ENPP6: variants seen among roughly 807,000 people sequenced by gnomAD.
ENPP6 encodes ectonucleotide pyrophosphatase/phosphodiesterase 6, also known as glycerophosphocholine cholinephosphodiesterase ENPP6.
ENPP6 carries 32 observed loss-of-function variants against 42.0 expected under a neutral mutation model. That is an observed-to-expected ratio of 0.76 (90% CI 0.58 to 1.02). The LOEUF (loss-of-function observed/expected upper bound fraction) is 1.02, where lower values mean the gene tolerates loss of function less well. Ranked by LOEUF, ENPP6 falls within the 50% of genes least tolerant of loss-of-function variation. The probability of loss-of-function intolerance (pLI) is 0.00; values close to 1 mark genes in which losing one functional copy is unlikely to be tolerated. For missense variants in ENPP6, 552 were observed against 566.8 expected, an observed-to-expected ratio of 0.97 and a Z score of 0.27; for synonymous variants, 213 against 216.0, an observed-to-expected ratio of 0.99 and a Z score of 0.12.
At chr4:184,136,025 T>C (rs898420805) in intron 2 of ENPP6, among the ~76,000 whole-genome samples, 3 of 152,140 alleles carry the variant, frequency 2.0e-5, no homozygotes, top group Non-Finnish European at 4.4e-5. Flanking sequence ...CATCACACAT[T>C]TGATAGTTTT....
intron 1 of ENPP6, among the ~76,000 whole-genome samples, chr4:184,183,560 T>A (rs1164547214): frequency 6.6e-6 from 1 of 152,074 alleles, no homozygotes; most frequent in East Asian, 1.9e-4. Context: ...ATTGCCAAGC[T>A]CACAAGTGAT....
At chr4:184,137,066 G>A in intron 2 of ENPP6, among the ~76,000 whole-genome samples, 1 of 152,162 alleles carries the variant, frequency 6.6e-6, no homozygotes, top group Middle Eastern at 3.4e-3. Context: ...ACTACTGCAG[G>A]TCTCCATTTT....
intron 5 of ENPP6, among the ~76,000 whole-genome samples, chr4:184,115,872 G>A (rs983906809): frequency 6.6e-6 from 1 of 152,176 alleles, no homozygotes; most frequent in Non-Finnish European, 1.5e-5. Context: ...TAGGGATGCT[G>A]CTGATGCTCC....
chr4:184,113,949 TTCTTTCTTTCTTTCTC>T (rs1560981964), intron 5 of ENPP6, among the ~76,000 whole-genome samples: 8 of 147,668 alleles, frequency 5.4e-5, no homozygotes, highest in South Asian at 2.2e-4. Flanking sequence ...CTTTCTTTCT[TTCTTTCTTTCTTTCTC>T]TCTTTCTTTC....
In ENPP6 at chr4:184,114,405, C is replaced by T. The variant is rs1366770572; in HGVS notation, c.856-1596G>A. Among the ~76,000 whole-genome samples the T allele has an allele frequency of 3.3e-5, 5 of 152,196 alleles. No individual in the cohort carries two copies. In the East Asian group the frequency reaches 9.6e-4, roughly 29 times the overall value. ...CTGAATATAAGATTGAGTTTATCAA[C>T]TCAACTCTGTAAAATAATGTAGTGG... On this transcript the variant is annotated intron_variant, in intron 5 of 7. Coordinates refer to ENST00000296741, the MANE Select transcript of ENPP6 (RefSeq NM_153343.4).
At chr4:184,204,447 C>T (rs1732958426) in intron 1 of ENPP6, among the ~76,000 whole-genome samples, 1 of 152,174 alleles carries the variant, frequency 6.6e-6, no homozygotes, top group African/African-American at 2.4e-5. Flanking sequence ...ACAGCCAGAC[C>T]ACTCGCACCT....
intron 2 of ENPP6, among the ~76,000 whole-genome samples, chr4:184,124,939 C>G (rs1021518498): frequency 3.9e-5 from 6 of 152,176 alleles, no homozygotes; most frequent in African/African-American, 1.4e-4. Flanking sequence ...CCGAGAAACA[C>G]CCATCCATAT....
intron 1 of ENPP6, among the ~76,000 whole-genome samples, chr4:184,170,938 T>G (rs1324623847): frequency 6.6e-6 from 1 of 152,194 alleles, no homozygotes; most frequent in Admixed American, 6.5e-5. Flanking sequence ...CCAGTAGAAG[T>G]GTTCTCTGAA....
intron 1 of ENPP6, among the ~76,000 whole-genome samples, chr4:184,180,348 G>C (rs924628197): frequency 3.3e-5 from 5 of 152,152 alleles, no homozygotes; most frequent in Non-Finnish European, 5.9e-5. Context: ...AAAAAGTTCT[G>C]AAATTGAGCC....
intron 1 of ENPP6, among the ~76,000 whole-genome samples, chr4:184,170,760 G>A (rs55692904): frequency 0.21 from 31,332 of 152,160 alleles, 3,949 homozygotes; most frequent in Admixed American, 0.36. Context: ...ACTTGCTCTC[G>A]CGTCACGCCA....
At chr4:184,182,176 C>A (rs528471035) in intron 1 of ENPP6, among the ~76,000 whole-genome samples, 28 of 149,234 alleles carry the variant, frequency 1.9e-4, no homozygotes, top group Non-Finnish European at 3.1e-4. Flanking sequence ...AAAAAAAAAA[C>A]AACCCCATTA....
intron 1 of ENPP6, among the ~76,000 whole-genome samples, chr4:184,179,887 T>C (rs1732524365): frequency 6.6e-6 from 1 of 152,252 alleles, no homozygotes; most frequent in East Asian, 1.9e-4. Context: ...AAGAGGGAAA[T>C]TTATAGCACT....
In ENPP6 at chr4:184,197,880, C is replaced by A. The variant is rs183932036; in HGVS notation, c.241+19699G>T. ...GGGGAATGGGCCAGACTGGGAGTAA[C>A]TGGAACCTGGAATTAGATCCTCCCA... On this transcript the variant is annotated intron_variant, in intron 1 of 7. Transcript: ENST00000296741. Among the ~76,000 whole-genome samples the A allele has an allele frequency of 7.2e-5, 11 of 152,268 alleles. No homozygotes were observed. In the East Asian group the frequency reaches 2.1e-3, roughly 29 times the overall value.
At position 184,215,027 on chromosome 4, in the gene ENPP6, C is replaced by A. The variant is rs537792411; in HGVS notation, c.241+2552G>T. Among the ~76,000 whole-genome samples the A allele has an allele frequency of 6.7e-4, 102 of 152,286 alleles. 1 individual carries two copies. The highest frequency in any genetic ancestry group is 2.3e-3 in the African/African-American group (95 of 41,568). On this transcript the variant is annotated intron_variant, in intron 1 of 7. Transcript: ENST00000296741. ...ATAAAATAAAATTCCCCATGCATTG[C>A]CTAGTTCTATGTCTGCATCCAGCAG... is the stretch of plus-strand genomic sequence containing the variant.
chr4:184,138,797 G>C (rs1736771800), intron 2 of ENPP6, among the ~76,000 whole-genome samples: 1 of 152,190 alleles, frequency 6.6e-6, no homozygotes, highest in Non-Finnish European at 1.5e-5. Context: ...AAGTGATGTT[G>C]ACAGTTGGAG....
intron 1 of ENPP6, among the ~76,000 whole-genome samples, chr4:184,202,960 C>G (rs1359467789): frequency 6.6e-6 from 1 of 152,182 alleles, no homozygotes; most frequent in Non-Finnish European, 1.5e-5. Flanking sequence ...AATATTAACA[C>G]TCACTGGACA....
intron 1 of ENPP6, among the ~76,000 whole-genome samples, chr4:184,168,835 C>T (rs1737408013): frequency 6.6e-6 from 1 of 152,186 alleles, no homozygotes; most frequent in Non-Finnish European, 1.5e-5. Flanking sequence ...ACGCGAGCCT[C>T]GGGGCCTTGA....
At chr4:184,093,834 C>A (rs1735851241) in intron 7 of ENPP6, among the ~76,000 whole-genome samples, 1 of 152,130 alleles carries the variant, frequency 6.6e-6, no homozygotes, top group East Asian at 1.9e-4. Flanking sequence ...ATGGTTGTTC[C>A]AGCGGCATGG....
At chr4:184,163,252 C>G (rs1292731807) in intron 1 of ENPP6, among the ~76,000 whole-genome samples, 1 of 152,172 alleles carries the variant, frequency 6.6e-6, no homozygotes, top group Admixed American at 6.5e-5. Flanking sequence ...GAAGGGACCT[C>G]AGGCGGCCTC....
Sources: allele counts gnomAD v4.1 joint callset (sites outside exome capture counted in the v4.1 genomes callset), GRCh38; gene constraint gnomAD v4.1.1; transcripts MANE v1.5; gene names NCBI Gene and HGNC (gene_info 2026-07-23, HGNC 2026-07-21).